The following GPHN variants were observed in gnomAD, a reference collection of about 807,000 sequenced individuals.
GPHN encodes gephyrin.
A neutral mutation model predicts 95.5 loss-of-function variants in GPHN; 17 were observed. That is an observed-to-expected ratio of 0.18 (90% CI 0.12 to 0.27). The LOEUF is 0.27. Ranked by LOEUF, GPHN falls within the 10% of genes least tolerant of loss-of-function variation. The pLI is 1.00. For missense variants in GPHN, 660 were observed against 978.1 expected (o/e 0.67, Z 4.34); for synonymous variants, 320 against 322.5 (o/e 0.99, Z 0.08).
chr14:67,037,387 G>A (rs2074474595), intron 10 of GPHN, among the ~76,000 whole-genome samples: 1 of 151,900 alleles, frequency 6.6e-6, no homozygotes, highest in Non-Finnish European at 1.5e-5. Context: ...ATTGAAATGG[G>A]AAACGATCTC....
chr14:67,459,934 G>A, the GPHN span, among the ~76,000 whole-genome samples: 6 of 152,180 alleles, frequency 3.9e-5, no homozygotes, highest in African/African-American at 1.4e-4. Flanking sequence ...CTGCAAACAT[G>A]CAAATAGCCA....
chr14:66,804,957 A>C (rs1201102665), intron 3 of GPHN, among the ~76,000 whole-genome samples: 1 of 152,226 alleles, frequency 6.6e-6, no homozygotes, highest in East Asian at 1.9e-4. Flanking sequence ...GGTTTGTGTA[A>C]TGCTCTGTGT....
At chr14:67,262,634 AC>A in the GPHN span, among the ~76,000 whole-genome samples, 1 of 152,288 alleles carries the variant, frequency 6.6e-6, no homozygotes, top group Admixed American at 6.5e-5. Flanking sequence ...AACTCTGGTT[AC>A]AGTATAGAGT....
At chr14:67,500,241 C>G in the GPHN span, among the ~76,000 whole-genome samples, 2 of 151,854 alleles carry the variant, frequency 1.3e-5, no homozygotes, top group African/African-American at 4.8e-5. Context: ...TTTGGGAGGC[C>G]GAGGTGGGTG....
intron 6 of GPHN, among the ~76,000 whole-genome samples, chr14:66,920,522 T>G (rs370680848): frequency 6.6e-6 from 1 of 151,636 alleles, no homozygotes; most frequent in East Asian, 1.9e-4. Context: ...TTTTTTAAAA[T>G]GCAGTGCATG....
intron 1 of GPHN, among the ~76,000 whole-genome samples, chr14:66,595,147 A>G (rs2061920017): frequency 2.0e-5 from 3 of 152,212 alleles, no homozygotes; most frequent in Admixed American, 2.0e-4. Flanking sequence ...GACCGAAGGT[A>G]AGTATTAGCA....
intron 11 of GPHN, among the ~76,000 whole-genome samples, chr14:67,070,715 A>AAAAAAAAATATATAT: frequency 2.5e-5 from 2 of 80,704 alleles, no homozygotes; most frequent in African/African-American, 1.3e-4. Flanking sequence ...AAAAAAAAAA[A>AAAAAAAAATATATAT]ATATATATAT....
At chr14:67,630,257 T>A in the GPHN span, among the ~76,000 whole-genome samples, 6 of 152,232 alleles carry the variant, frequency 3.9e-5, no homozygotes, top group Admixed American at 6.5e-5. Context: ...GGTTCAAAAT[T>A]AACAGTGGAA....
At chr14:66,908,246 G>A (rs1026762188) in intron 5 of GPHN, among the ~76,000 whole-genome samples, 4 of 151,808 alleles carry the variant, frequency 2.6e-5, no homozygotes, top group South Asian at 2.1e-4. Context: ...GGTATATCTC[G>A]TAGTGCTTAA....
intron 3 of GPHN, among the ~76,000 whole-genome samples, chr14:66,802,878 A>T (rs912366441): frequency 6.6e-6 from 1 of 152,078 alleles, no homozygotes; most frequent in Non-Finnish European, 1.5e-5. Flanking sequence ...AGTGGATGGA[A>T]GTGTCTCTTT....
chr14:66,707,735 A>G (rs1000839928), intron 2 of GPHN, among the ~76,000 whole-genome samples: 7 of 152,142 alleles, frequency 4.6e-5, no homozygotes, highest in African/African-American at 1.7e-4. Flanking sequence ...TGGCACATGT[A>G]TACCTATGTA....
Position 66,863,372 on chromosome 14 carries a change from A to G in GPHN, c.295-16567A>G, listed in dbSNP as rs141124535. On this transcript the variant is annotated intron_variant, in intron 4 of 22. Coordinates refer to ENST00000478722, the MANE Select transcript of GPHN (RefSeq NM_020806.5). ...ATGTTCATGGGTTGGAAAAATTAAT[A>G]TTGTTAAAATGTTCATACTACCCAA... Among the ~76,000 whole-genome samples, 30 of 152,246 alleles carry G rather than the reference A, an allele frequency of 2.0e-4. No homozygotes were observed. In the East Asian group the frequency reaches 5.6e-3, roughly 28 times the overall value.
the GPHN span, among the ~76,000 whole-genome samples, chr14:67,504,412 T>G: frequency 6.6e-6 from 1 of 152,232 alleles, no homozygotes; most frequent in South Asian, 2.1e-4. Context: ...CCTGGCATTA[T>G]AAGCTACCAA....
intron 8 of GPHN, among the ~76,000 whole-genome samples, chr14:66,949,591 G>A (rs1029138601): frequency 3.3e-5 from 5 of 152,284 alleles, no homozygotes; most frequent in East Asian, 3.9e-4. Context: ...ATAAATTGTA[G>A]CTATTGAAGC....
the GPHN span, among the ~76,000 whole-genome samples, chr14:67,711,335 T>A: frequency 6.6e-6 from 1 of 152,206 alleles, no homozygotes; most frequent in Non-Finnish European, 1.5e-5. Context: ...AAGTATGAAA[T>A]TGCTTGATTA....
intron 1 of GPHN, among the ~76,000 whole-genome samples, chr14:66,551,571 A>G (rs1299114368): frequency 6.6e-6 from 1 of 152,194 alleles, no homozygotes; most frequent in Non-Finnish European, 1.5e-5. Context: ...TGACTTGGTT[A>G]TCCTCTAGAC....
At chr14:66,801,751 G>C (rs1339903667) in intron 3 of GPHN, among the ~76,000 whole-genome samples, 1 of 148,864 alleles carries the variant, frequency 6.7e-6, no homozygotes, top group Non-Finnish European at 1.5e-5. Flanking sequence ...ATTGGGTCTT[G>C]CTCAAGTCCT....
At chr14:66,764,320 T>G (rs2058877962) in intron 2 of GPHN, among the ~76,000 whole-genome samples, 1 of 152,124 alleles carries the variant, frequency 6.6e-6, no homozygotes, top group Non-Finnish European at 1.5e-5. Context: ...TGTTGTTATC[T>G]GCAGGGGGAG....
chr14:66,902,179 A>G (rs1000764023), intron 5 of GPHN, among the ~76,000 whole-genome samples: 3 of 151,890 alleles, frequency 2.0e-5, no homozygotes, highest in African/African-American at 4.8e-5. Flanking sequence ...ATTGTTCACT[A>G]TTGGTATATA....
Sources: gnomAD v4.1 joint callset for allele counts (sites outside exome capture counted in the v4.1 genomes callset) on GRCh38, gnomAD v4.1.1 for gene constraint, MANE v1.5 for transcripts, NCBI Gene and HGNC (gene_info 2026-07-23, HGNC 2026-07-21) for gene names.